The following NT5DC3 variants were observed in gnomAD, a reference collection of about 807,000 sequenced individuals.
NT5DC3 encodes 5'-nucleotidase domain-containing protein 3.
In NT5DC3, 42 loss-of-function variants were observed where a neutral mutation model predicts 67.8. That is an observed-to-expected ratio of 0.62 (90% CI 0.48 to 0.80). The LOEUF is 0.80. Ranked by LOEUF, NT5DC3 falls within the 30% of genes least tolerant of loss-of-function variation. NT5DC3 has a pLI of 0.00. For synonymous variants in NT5DC3, 237 were observed against 255.6 expected (o/e 0.93, Z 0.69); for missense variants, 570 against 696.4 (o/e 0.82, Z 2.04).
intron 2 of NT5DC3, among the ~76,000 whole-genome samples, chr12:103,813,306 G>A (rs1050553085): frequency 1.3e-5 from 2 of 152,212 alleles, no homozygotes; most frequent in African/African-American, 4.8e-5. Context: ...CCAGGCAAAG[G>A]ACCGCAGTTT....
At chr12:103,752,089 C>T in the NT5DC3 span, among the ~76,000 whole-genome samples, 3 of 152,098 alleles carry the variant, frequency 2.0e-5, no homozygotes, top group Non-Finnish European at 2.9e-5. Flanking sequence ...CTGATGGTTC[C>T]GTTTCCAGGA....
rs1254211809 is a variant in NT5DC3, at chr12:103,775,451, TA to T, written c.*2377del. 6.6e-6 allele frequency: 1 copy of T among 152,160 alleles called. No homozygotes were observed. The allele number at this position is 152,160 out of a possible 1,614,324, so 9.4% of individuals were successfully genotyped here. On this transcript the variant is annotated 3_prime_UTR_variant, in exon 14 of 14. Coordinates refer to ENST00000392876, the MANE Select transcript of NT5DC3 (RefSeq NM_001031701.3). ...GGTAGGTAATCAATGAATATCTGAT[TA>T]GATAAAAACCAAGAATTATTTTTAA...
rs748940344 is a variant in NT5DC3, at chr12:103,776,059, C to G, written c.*1770G>C. 6.6e-6 allele frequency: 1 copy of G among 152,100 alleles called. No individual in the cohort carries two copies. Among genetic ancestry groups the G allele is most frequent in the Non-Finnish European group, 1.5e-5 (1 of 68,036 alleles). The allele number at this position is 152,100 out of a possible 1,614,324, so 9.4% of individuals were successfully genotyped here. On this transcript the variant is annotated 3_prime_UTR_variant, in exon 14 of 14. Transcript: ENST00000392876. The stretch of plus-strand genomic sequence containing the variant: ...TTTAGCAATACTAGATTAGGCTAAT[C>G]TGAACAGAAGTATTGATATAGCATA...
chr12:103,832,159 A>AT (rs1396813798), intron 1 of NT5DC3, among the ~76,000 whole-genome samples: 8 of 150,390 alleles, frequency 5.3e-5, no homozygotes, highest in Non-Finnish European at 1.0e-4. Flanking sequence ...AGTCCTCTAT[A>AT]TTTTTTTTCA....
At chr12:103,759,108 T>C in the NT5DC3 span, 8 of 1,613,944 alleles carry the variant, frequency 5.0e-6, no homozygotes, top group Admixed American at 1.7e-5. Context: ...TTGAAGAGCA[T>C]TCTGTGTTTC....
intron 12 of NT5DC3, among the ~76,000 whole-genome samples, chr12:103,781,546 A>T (rs1456758077): frequency 6.6e-6 from 1 of 152,056 alleles, no homozygotes; most frequent in African/African-American, 2.4e-5. Context: ...CATCTCTCTC[A>T]TAGGAACAGC....
rs529217696 is a variant in NT5DC3 at position 103,832,511 on chromosome 12, T to C, written c.208+8438A>G. Among the ~76,000 whole-genome samples the C allele has an allele frequency of 4.3e-4, 66 of 151,934 alleles. No individual in the cohort carries two copies. The South Asian group carries it at 0.012, about 27-fold the overall frequency. On this transcript the variant is annotated intron_variant, in intron 1 of 13. Coordinates refer to ENST00000392876, the MANE Select transcript of NT5DC3 (RefSeq NM_001031701.3). ...AAAAGCTGGCAAAAAAATTATTTAA[T>C]CTCCTTTTTGTATTTTTTCTCCTTT... is the stretch of plus-strand genomic sequence containing the variant.
intron 2 of NT5DC3, among the ~76,000 whole-genome samples, chr12:103,813,712 C>A (rs1181510848): frequency 1.3e-5 from 2 of 152,106 alleles, no homozygotes; most frequent in Non-Finnish European, 2.9e-5. Flanking sequence ...CAAACCAGAG[C>A]ACACACAAAG....
chr12:103,780,326 C>G lies in NT5DC3; in HGVS notation c.1368G>C (p.Glu456Asp), dbSNP rs759539885. 1.6e-5 allele frequency: 26 copies of G among 1,614,050 alleles called. No individual in the cohort carries two copies. The highest frequency in any genetic ancestry group is 2.0e-5 in the Non-Finnish European group (24 of 1,179,990). The change falls in exon 13 of 14, where the codon GAG becomes GAC. Residue 456 changes from glutamate (E) to aspartate (D), a missense_variant. Physicochemically the swap from Glu to Asp is conservative, Grantham distance 45. Coordinates refer to ENST00000392876, the MANE Select transcript of NT5DC3 (RefSeq NM_001031701.3). Reference sequence around the variant, plus strand: ...GCATCTCCTTCCTTTCCTTTTTCCACTCCTGCAAAACCAGCTGTGACTCAG... The same window carrying G: ...GCATCTCCTTCCTTTCCTTTTTCCAGTCCTGCAAAACCAGCTGTGACTCAG... ...RDAESQLVLQ[E>D]WKKERKEMRE... is the part of the protein sequence containing the mutation.
At chr12:103,758,057 T>A in the NT5DC3 span, 1 of 1,478,572 alleles carries the variant, frequency 6.8e-7, no homozygotes, top group African/African-American at 1.4e-5. Context: ...GCAGGCTGAG[T>A]TGGCTCACAC....
At chr12:103,837,413 G>A (rs1251566503) in intron 1 of NT5DC3, among the ~76,000 whole-genome samples, 1 of 152,216 alleles carries the variant, frequency 6.6e-6, no homozygotes, top group Non-Finnish European at 1.5e-5. Context: ...ATTTCTGCAG[G>A]CGGCTTAAAG....
intron 9 of NT5DC3, chr12:103,789,153 G>A: frequency 2.1e-6 from 1 of 468,874 alleles, no homozygotes; most frequent in East Asian, 3.3e-5. Context: ...GCTGGGCGCA[G>A]TAGCTCACTC....
At chr12:103,839,105 G>T (rs1418367707) in intron 1 of NT5DC3, among the ~76,000 whole-genome samples, 2 of 152,176 alleles carry the variant, frequency 1.3e-5, no homozygotes, top group Non-Finnish European at 2.9e-5. Flanking sequence ...TCATGCATGT[G>T]CACACACAAG....
the NT5DC3 span, chr12:103,746,627 C>A: frequency 6.2e-7 from 1 of 1,614,120 alleles, no homozygotes; most frequent in South Asian, 1.1e-5. Context: ...CCTCCTTGTT[C>A]TGCTCATGCC....
chr12:103,798,231 T>TA (rs1388002465), intron 5 of NT5DC3, among the ~76,000 whole-genome samples: 13 of 152,182 alleles, frequency 8.5e-5, no homozygotes, highest in African/African-American at 3.1e-4. Flanking sequence ...GGTGGCTGTG[T>TA]AGCCATCAAC....
intron 4 of NT5DC3, chr12:103,802,352 C>A (rs1000677484): frequency 6.6e-6 from 1 of 152,160 alleles, no homozygotes; most frequent in African/African-American, 2.4e-5. Context: ...GAAAACTGCA[C>A]GCTGGCAGAA....
At chr12:103,778,964 C>G (rs1037592458) in intron 13 of NT5DC3, among the ~76,000 whole-genome samples, 1 of 152,162 alleles carries the variant, frequency 6.6e-6, no homozygotes, top group Non-Finnish European at 1.5e-5. Flanking sequence ...CAGGATGCAA[C>G]AGCTGCTCCC....
At chr12:103,762,201 G>T in the NT5DC3 span, 1 of 1,585,636 alleles carries the variant, frequency 6.3e-7, no homozygotes, top group Non-Finnish European at 8.6e-7. Context: ...AGAATGCCTC[G>T]GGCCACCAAG....
At chr12:103,827,226 C>CA (rs1255171053) in intron 1 of NT5DC3, among the ~76,000 whole-genome samples, 3 of 151,912 alleles carry the variant, frequency 2.0e-5, no homozygotes, top group Admixed American at 2.0e-4. Context: ...GCCTGGGAGT[C>CA]AGAGTCAGAA....
Sources: gnomAD v4.1 joint callset for allele counts (sites outside exome capture counted in the v4.1 genomes callset) on GRCh38, gnomAD v4.1.1 for gene constraint, MANE v1.5 for transcripts, NCBI Gene and HGNC (gene_info 2026-07-23, HGNC 2026-07-21) for gene names.